Variants in NAT8L observed in about 807,000 individuals in gnomAD.
NAT8L encodes the protein aspartate N-acetyltransferase.
A neutral mutation model predicts 21.2 loss-of-function variants in NAT8L; 6 were observed. The observed-to-expected ratio is 0.28, with a 90% CI of 0.16 to 0.56. The LOEUF is 0.56. Ranked by LOEUF, NAT8L falls within the 20% of genes least tolerant of loss-of-function variation. The probability of loss-of-function intolerance (pLI) is 0.93; values close to 1 mark genes in which losing one functional copy is unlikely to be tolerated. For synonymous variants in NAT8L, 239 were observed against 204.9 expected, an observed-to-expected ratio of 1.17 and a Z score of -1.42; for missense variants, 331 against 433.3, an observed-to-expected ratio of 0.76 and a Z score of 2.10.
intron 2 of NAT8L, among the ~76,000 whole-genome samples, chr4:2,061,491 G>T (rs1253313033): frequency 6.6e-6 from 1 of 152,360 alleles, no homozygotes; most frequent in East Asian, 1.9e-4. Flanking sequence ...TGCCTTGCGG[G>T]GATGGGGTTG....
intron 2 of NAT8L, among the ~76,000 whole-genome samples, chr4:2,063,016 C>T (rs1004022915): frequency 5.9e-5 from 9 of 152,238 alleles, no homozygotes; most frequent in Admixed American, 1.3e-4. Context: ...CCCTCCCCCA[C>T]GACCGCCACC....
At position 2,065,793 on chromosome 4, in the gene NAT8L, C is replaced by G. The variant is rs1729986696; in HGVS notation, c.*1666C>G. 6.6e-6 allele frequency: 1 copy of G among 152,584 alleles called. No individual in the cohort carries two copies. The highest frequency in any genetic ancestry group is 2.4e-5 in the African/African-American group (1 of 41,440). 9.5% of individuals were successfully genotyped at this position (152,584 alleles called of 1,614,324 possible). ...ATTCCTCCCTGGAGGTGCCCGGTCC[C>G]CGCTTGGGGATGGGAGTTTTGTAGA... On this transcript the variant is annotated 3_prime_UTR_variant, in exon 3 of 3. Coordinates refer to ENST00000423729, the MANE Select transcript of NAT8L (RefSeq NM_178557.4).
chr4:2,064,140 G>GGCCCCCCCCC lies in NAT8L; in HGVS notation c.*13_*14insGCCCCCCCCC. 2.0e-6 allele frequency: 3 copies of GGCCCCCCCCC among 1,520,632 alleles called. No individual in the cohort carries two copies. The highest frequency in any genetic ancestry group is 1.2e-5 in the South Asian group (1 of 83,036). The allele number at this position is 1,520,632 out of a possible 1,614,324, so 94.2% of individuals were successfully genotyped here. A position where few individuals can be genotyped will look rare whatever the true frequency, so the allele number is the denominator to read the frequency against. On this transcript the variant is annotated 3_prime_UTR_variant, in exon 3 of 3. Coordinates refer to ENST00000423729, the MANE Select transcript of NAT8L (RefSeq NM_178557.4). ...GCGCGAGGAGTGACCGCCGCCGCTC[G>GGCCCCCCCCC]CCCGCCCGCCCCCCCGGCCGCCCTG...
chr4:2,059,510 G>A lies in NAT8L; in HGVS notation c.-2G>A. On this transcript the variant is annotated 5_prime_UTR_variant, in exon 1 of 3. Coordinates refer to ENST00000423729, the MANE Select transcript of NAT8L (RefSeq NM_178557.4). The surrounding 1 kb of genome is among the most constrained non-coding windows in gnomAD (Gnocchi z 4.8). Reference sequence around the variant, plus strand: ...CCGCTGCCGCGCCGCCCGGCCGGGTGCATGCATTGTGGGCCTCCCGACATG... The same window carrying A: ...CCGCTGCCGCGCCGCCCGGCCGGGTACATGCATTGTGGGCCTCCCGACATG... The A allele has an allele frequency of 1.0e-6, 1 of 991,084 alleles. No homozygotes were observed. Among genetic ancestry groups the A allele is most frequent in the Non-Finnish European group, 1.2e-6 (1 of 834,118 alleles). The allele number at this position is 991,084 out of a possible 1,614,324, so 61.4% of individuals were successfully genotyped here. A position where few individuals can be genotyped will look rare whatever the true frequency, so the allele number is the denominator to read the frequency against.
At position 2,063,834 on chromosome 4, in the gene NAT8L, A is replaced by G; in HGVS notation, c.616A>G (p.Asn206Asp). The stretch of plus-strand genomic sequence containing the variant: ...GGCTGCACGGGCCCACGAGGAGGAC[A>G]ACACGGTGGAGCTGCTGCGGATGTC... Reference protein sequence around the residue: ...IVAARAHEEDNTVELLRMSVD... With the variant: ...IVAARAHEEDDTVELLRMSVD... Residue 206 changes from asparagine to aspartate, a missense_variant, in exon 3 of 3, where the codon AAC becomes GAC. By Grantham distance (23) the Asn-to-Asp change is conservative. Around this residue, in one of 2 missense-constraint regions of NAT8L, gnomAD observed 132 missense variants for 237.1 expected, o/e 0.56. Coordinates refer to ENST00000423729, the MANE Select transcript of NAT8L (RefSeq NM_178557.4). 1 of 1,612,450 alleles carries G rather than the reference A, an allele frequency of 6.2e-7. No homozygotes were observed. Among genetic ancestry groups the G allele is most frequent in the Non-Finnish European group, 8.5e-7 (1 of 1,179,946 alleles).
Position 2,061,178 on chromosome 4 carries a change from G to A in NAT8L, c.541+16G>A, listed in dbSNP as rs752926170. The A allele has an allele frequency of 4.5e-5, 72 of 1,610,036 alleles. 1 individual carries two copies. The South Asian group carries it at 7.8e-4, about 17-fold the overall frequency. ...AAGCCGCCCGGTGAGTCCCGCTCCC[G>A]CCGCTCCCCGACCTCCGCCCCAGAC... On this transcript the variant is annotated intron_variant, in intron 2 of 2. Transcript: ENST00000423729.
rs1240635872 is a variant in NAT8L, at chr4:2,061,030, C to A, written c.409C>A (p.Leu137Met). The change falls in exon 2 of 3, where the codon CTG becomes ATG. Residue 137 changes from leucine (L) to methionine (M), a missense_variant. Physicochemically the swap from Leu to Met is conservative, Grantham distance 15. Around this residue, in one of 2 missense-constraint regions of NAT8L, gnomAD observed 199 missense variants for 196.1 expected, o/e 1.01. Transcript: ENST00000423729. Reference protein sequence around the residue: ...LCFAVSRSLLLTCLVPAALLG... With the variant: ...LCFAVSRSLLMTCLVPAALLG... The stretch of plus-strand genomic sequence containing the variant: ...CTTCGCCGTGAGCCGCTCGCTGCTG[C>A]TGACGTGCCTGGTGCCGGCCGCGCT... 6.3e-7 allele frequency: 1 copy of A among 1,579,148 alleles called. No homozygotes were observed. The highest frequency in any genetic ancestry group is 8.6e-7 in the Non-Finnish European group (1 of 1,163,882).
In NAT8L at chr4:2,068,046, A is replaced by G. The variant is rs1730039828; in HGVS notation, c.*3919A>G. On this transcript the variant is annotated 3_prime_UTR_variant, in exon 3 of 3. Transcript: ENST00000423729. ...GGCGAGCCGGACATACCATTGTTGG[A>G]TGTATTTTTTTTAAAACAGCAATAA... 1 of 152,260 alleles carries G rather than the reference A, an allele frequency of 6.6e-6. No individual in the cohort carries two copies. 9.4% of individuals were successfully genotyped at this position (152,260 alleles called of 1,614,324 possible).
In NAT8L at chr4:2,063,905, C is replaced by T. The variant is rs1228930567; in HGVS notation, c.687C>T (p.Gly229=). 3 of 1,612,302 alleles carry T rather than the reference C, an allele frequency of 1.9e-6. No homozygotes were observed. Among genetic ancestry groups the T allele is most frequent in the South Asian group, 2.2e-5 (2 of 91,082 alleles). ...GCAAGGGCATCGCCAAGGCGCTGGG[C>T]CGGAAGGTGCTGGAGTTCGCCGTGG... ...FRGKGIAKAL[G]RKVLEFAVVH... The change falls in exon 3 of 3, where the codon GGC becomes GGT. Residue 229 remains glycine (G), a synonymous_variant. Transcript: ENST00000423729.
At chr4:2,062,208 C>G (rs561114222) in intron 2 of NAT8L, among the ~76,000 whole-genome samples, 3 of 152,268 alleles carry the variant, frequency 2.0e-5, no homozygotes, top group African/African-American at 7.2e-5. Context: ...GAACACCCCA[C>G]GAGGGCAGAG....
Position 2,065,753 on chromosome 4 carries a change from C to T in NAT8L, c.*1626C>T, listed in dbSNP as rs1424543881. 1.3e-5 allele frequency: 2 copies of T among 152,474 alleles called. No individual in the cohort carries two copies. Among genetic ancestry groups the T allele is most frequent in the Admixed American group, 1.3e-4 (2 of 15,286 alleles). The allele number at this position is 152,474 out of a possible 1,614,324, so 9.4% of individuals were successfully genotyped here. On this transcript the variant is annotated 3_prime_UTR_variant, in exon 3 of 3. Transcript: ENST00000423729. ...GAGGTGTGCAGAGCACTGTACAGAC[C>T]CCACTCCCCTGTACATTCCTCCCTG...
At chr4:2,061,248 G>C (rs968986793) in intron 2 of NAT8L, 86 bp downstream of exon 2, 1 of 1,566,806 alleles carries the variant, frequency 6.4e-7, no homozygotes, top group Admixed American at 1.8e-5. Context: ...GCAGGCCTGG[G>C]CGAGGGCCGG....
rs1384799982 is a variant in NAT8L, at chr4:2,059,485, C to G, written c.-27C>G. ...TGCCCGCCGCCGCCCGGCCGCGTCC[C>G]CGCTGCCGCGCCGCCCGGCCGGGTG... On this transcript the variant is annotated 5_prime_UTR_variant, in exon 1 of 3. Transcript: ENST00000423729. The surrounding 1 kb of genome is among the most constrained non-coding windows in gnomAD (Gnocchi z 4.8). 1 of 968,306 alleles carries G rather than the reference C, an allele frequency of 1.0e-6. No homozygotes were observed. The highest frequency in any genetic ancestry group is 1.2e-6 in the Non-Finnish European group (1 of 816,832). The allele number at this position is 968,306 out of a possible 1,614,324, so 60.0% of individuals were successfully genotyped here. A position where few individuals can be genotyped will look rare whatever the true frequency, so the allele number is the denominator to read the frequency against.
At chr4:2,063,711 C>G (rs1214657510) in intron 2 of NAT8L, 49 bp from the exon 3 acceptor site, 2 of 1,603,632 alleles carry the variant, frequency 1.2e-6, no homozygotes, top group Non-Finnish European at 1.7e-6. Context: ...GTGGAGGGGT[C>G]TCCCCAGCCT....
Position 2,060,594 on chromosome 4 carries a change from C to A in NAT8L, c.377-404C>A, listed in dbSNP as rs370050496. On this transcript the variant is annotated intron_variant, in intron 1 of 2. Transcript: ENST00000423729. The surrounding 1 kb of genome is among the most constrained non-coding windows in gnomAD (Gnocchi z 4.7). ...CCCTGGGAAGAGGGGGTCCTGGAGC[C>A]CGAGGCTGGAACGTGGGACACCCCC... Among the ~76,000 whole-genome samples, 11 of 152,248 alleles carry A rather than the reference C, an allele frequency of 7.2e-5. No individual in the cohort carries two copies. In the East Asian group the frequency reaches 2.1e-3, roughly 30 times the overall value.
At position 2,060,364 on chromosome 4, in the gene NAT8L, G is replaced by A. The variant is rs1729830255; in HGVS notation, c.376+477G>A. ...AGAGGGCGGCCCCTTCAGCGTCTTT[G>A]GGTGCCCTTCCCCTCAGAGCTTCCT... On this transcript the variant is annotated intron_variant, in intron 1 of 2. Coordinates refer to ENST00000423729, the MANE Select transcript of NAT8L (RefSeq NM_178557.4). The surrounding 1 kb of genome is among the most constrained non-coding windows in gnomAD (Gnocchi z 4.7). Among the ~76,000 whole-genome samples the A allele has an allele frequency of 6.6e-6, 1 of 152,202 alleles. No homozygotes were observed. The highest frequency in any genetic ancestry group is 2.1e-4 in the South Asian group (1 of 4,838).
Position 2,060,919 on chromosome 4 carries a change from C to T in NAT8L, c.377-79C>T, listed in dbSNP as rs1175865218. ...AGGAGCGCGGCCGGGCGCGGCGTCCCTAGCGGGCTTCGCCGGGGTGGCGTC... is the reference window on the plus strand; with the variant it reads ...AGGAGCGCGGCCGGGCGCGGCGTCCTTAGCGGGCTTCGCCGGGGTGGCGTC... On this transcript the variant is annotated intron_variant, in intron 1 of 2. Coordinates refer to ENST00000423729, the MANE Select transcript of NAT8L (RefSeq NM_178557.4). This position sits in a 1 kb window ranked among gnomAD's most constrained non-coding sequence, Gnocchi z 4.7. 5 of 737,210 alleles carry T rather than the reference C, an allele frequency of 6.8e-6. No homozygotes were observed. The highest frequency in any genetic ancestry group is 3.7e-5 in the Admixed American group (1 of 26,834). The allele number at this position is 737,210 out of a possible 1,614,324, so 45.7% of individuals were successfully genotyped here.
chr4:2,059,817 C>T lies in NAT8L; in HGVS notation c.306C>T (p.Arg102=). ...TCTTCTACGACGGCATCATGGAGCG[C>T]ATCCCTAACACGGCCTTCCGCGGCC... ...RRIFYDGIME[R]IPNTAFRGLR... is the part of the protein sequence containing the mutation. Residue 102 remains arginine (R), a synonymous_variant, in exon 1 of 3, where the codon CGC becomes CGT. Transcript: ENST00000423729. The surrounding 1 kb of genome is among the most constrained non-coding windows in gnomAD (Gnocchi z 4.8). 7.2e-7 allele frequency: 1 copy of T among 1,397,004 alleles called. No individual in the cohort carries two copies. Among genetic ancestry groups the T allele is most frequent in the Non-Finnish European group, 9.4e-7 (1 of 1,066,610 alleles). 86.5% of individuals were successfully genotyped at this position (1,397,004 alleles called of 1,614,324 possible).
rs1229673805 is a variant in NAT8L at position 2,067,201 on chromosome 4, T to A, written c.*3074T>A. 6.6e-6 allele frequency: 1 copy of A among 152,332 alleles called. No individual in the cohort carries two copies. Among genetic ancestry groups the A allele is most frequent in the Non-Finnish European group, 1.5e-5 (1 of 68,114 alleles). 9.4% of individuals were successfully genotyped at this position (152,332 alleles called of 1,614,324 possible). ...GTTGAGCCCCGCAGCCGTGGCGGCA[T>A]CTCCTCCTCCTTCCTCCGCCCCATG... On this transcript the variant is annotated 3_prime_UTR_variant, in exon 3 of 3. Transcript: ENST00000423729.
Sources: gnomAD v4.1 joint callset for allele counts (sites outside exome capture counted in the v4.1 genomes callset) on GRCh38, gnomAD v4.1.1 for gene constraint, gnomAD v4.1.1 regional missense constraint, Gnocchi (gnomAD v3.1) non-coding constraint, MANE v1.5 for transcripts, NCBI Gene and HGNC (gene_info 2026-07-23, HGNC 2026-07-21) for gene names.